The following LRRTM4 variants were observed in gnomAD, a reference collection of about 807,000 sequenced individuals.
The protein encoded by LRRTM4 is leucine rich repeat transmembrane neuronal 4, also known as leucine-rich repeat transmembrane neuronal protein 4.
LRRTM4 carries 25 observed loss-of-function variants against 47.6 expected under a neutral mutation model. That is an observed-to-expected ratio of 0.53 (90% CI 0.38 to 0.73). The LOEUF is 0.73. LRRTM4 is among the 30% of genes least tolerant of loss of function. The pLI is 0.00. For missense variants in LRRTM4, 638 were observed against 713.4 expected (o/e 0.89, Z 1.20); for synonymous variants, 311 against 269.5 (o/e 1.15, Z -1.51).
chr2:77,012,279 A>G (rs1371987561), intron 3 of LRRTM4, among the ~76,000 whole-genome samples: 7 of 152,072 alleles, frequency 4.6e-5, no homozygotes, highest in Non-Finnish European at 8.8e-5. Flanking sequence ...TAACATTATT[A>G]TTTCCAAGAA....
At chr2:77,423,356 A>C (rs1674978541) in intron 3 of LRRTM4, among the ~76,000 whole-genome samples, 1 of 151,992 alleles carries the variant, frequency 6.6e-6, no homozygotes, top group Admixed American at 6.6e-5. Context: ...ACTGAATATA[A>C]GGTCTCATCA....
rs147275519 is a variant in LRRTM4 at position 77,091,680 on chromosome 2, T to A, written c.1552-342764A>T. 4.2e-5 allele frequency among the ~76,000 whole-genome samples: 6 copies of A among 142,246 alleles called. No individual in the cohort carries two copies. The East Asian group carries it at 8.7e-4, about 21-fold the overall frequency. The allele number at this position is 142,246 out of a possible 152,430, so 93.3% of individuals were successfully genotyped here. ...AATCCCAGCCTCTCTTCGCTTTCAC[T>A]TGGACTGACCCTGACACCCATCAAG... On this transcript the variant is annotated intron_variant, in intron 3 of 3. Coordinates refer to ENST00000409884, the MANE Select transcript of LRRTM4 (RefSeq NM_001134745.3).
intron 3 of LRRTM4, among the ~76,000 whole-genome samples, chr2:76,785,686 C>G (rs985623013): frequency 8.5e-5 from 13 of 152,088 alleles, no homozygotes; most frequent in Admixed American, 6.6e-4. Context: ...ACTTTTTTCA[C>G]CCTTCTCATA....
In LRRTM4 at chr2:76,748,916, T is replaced by C; in HGVS notation, c.1552A>G (p.Met518Val). 3 of 1,613,452 alleles carry C rather than the reference T, an allele frequency of 1.9e-6. No individual in the cohort carries two copies. Among genetic ancestry groups the C allele is most frequent in the Non-Finnish European group, 2.5e-6 (3 of 1,179,468 alleles). The stretch of plus-strand genomic sequence containing the variant: ...GGCAAGGGCTTCATGTGGTGTGGCA[T>C]CTGGATATGAGAAATAGAAAGATGG... ...YTISGSRECE[M>V]PHHMKPLPYY... Residue 518 changes from methionine to valine, a missense_variant and splice_region_variant, in exon 4 of 4, where the codon ATG becomes GTG. Coordinates refer to ENST00000409884, the MANE Select transcript of LRRTM4 (RefSeq NM_001134745.3).
chr2:77,330,660 A>C (rs1438842587), intron 3 of LRRTM4, among the ~76,000 whole-genome samples: 1 of 152,194 alleles, frequency 6.6e-6, no homozygotes, highest in Non-Finnish European at 1.5e-5. Flanking sequence ...TATTTTATAC[A>C]TATTAATAAA....
At chr2:77,424,906 TTC>T (rs1326491604) in intron 3 of LRRTM4, among the ~76,000 whole-genome samples, 1 of 152,186 alleles carries the variant, frequency 6.6e-6, no homozygotes, top group East Asian at 1.9e-4. Context: ...TTATTAAAAT[TTC>T]TCAGAGCTCC....
At chr2:77,396,160 G>C (rs1023922673) in intron 3 of LRRTM4, among the ~76,000 whole-genome samples, 1 of 151,662 alleles carries the variant, frequency 6.6e-6, no homozygotes, top group Non-Finnish European at 1.5e-5. Flanking sequence ...CATTTTACAA[G>C]CTGATTAACA....
intron 3 of LRRTM4, among the ~76,000 whole-genome samples, chr2:77,091,394 A>G (rs1024634764): frequency 2.0e-5 from 3 of 146,590 alleles, no homozygotes; most frequent in African/African-American, 8.0e-5. Context: ...AAAAGATTAA[A>G]GCCTGTTATC....
Position 77,369,944 on chromosome 2 carries a change from T to C in LRRTM4, c.1551+148374A>G, listed in dbSNP as rs375931933. ...CACCATTGTATATGCAGTTCATCAT[T>C]GACTGAAAAGTTGTTATGATGCATG... On this transcript the variant is annotated intron_variant, in intron 3 of 3. Transcript: ENST00000409884. Among the ~76,000 whole-genome samples the C allele has an allele frequency of 7.2e-5, 11 of 151,974 alleles. No individual in the cohort carries two copies. The East Asian group carries it at 2.1e-3, about 29-fold the overall frequency.
At chr2:77,404,629 A>T (rs115239202) in intron 3 of LRRTM4, among the ~76,000 whole-genome samples, 2,214 of 152,222 alleles carry the variant, frequency 0.015, 43 homozygotes, top group African/African-American at 0.049. Flanking sequence ...CATATACATC[A>T]TAATTATAGT....
intron 3 of LRRTM4, among the ~76,000 whole-genome samples, chr2:77,129,477 TA>T (rs1354661469): frequency 6.6e-6 from 1 of 152,222 alleles, no homozygotes; most frequent in African/African-American, 2.4e-5. Flanking sequence ...TTGAATCTAC[TA>T]ATCACTTTGT....
chr2:76,885,421 AGAT>A (rs1191282252), intron 3 of LRRTM4, among the ~76,000 whole-genome samples: 2 of 151,684 alleles, frequency 1.3e-5, no homozygotes, highest in East Asian at 3.9e-4. Context: ...GCAGGATTTG[AGAT>A]GACTGGTAAG....
intron 3 of LRRTM4, among the ~76,000 whole-genome samples, chr2:76,768,033 G>A (rs149625352): frequency 6.6e-6 from 1 of 152,160 alleles, no homozygotes; most frequent in African/African-American, 2.4e-5. Flanking sequence ...TAAGAAATTT[G>A]TGACATAATT....
Position 77,476,123 on chromosome 2 carries a change from C to G in LRRTM4, c.1551+42195G>C, listed in dbSNP as rs557248541. ...TAATGAAAGCAATAGAGTCTTTTCT[C>G]AGGGAGAAAATGTGCTCAGGAAATT... On this transcript the variant is annotated intron_variant, in intron 3 of 3. Transcript: ENST00000409884. 7.2e-5 allele frequency among the ~76,000 whole-genome samples: 11 copies of G among 152,016 alleles called. No homozygotes were observed. In the South Asian group the frequency reaches 2.1e-3, roughly 29 times the overall value.
chr2:77,211,211 G>A (rs1674283473), intron 3 of LRRTM4, among the ~76,000 whole-genome samples: 1 of 152,200 alleles, frequency 6.6e-6, no homozygotes, highest in Non-Finnish European at 1.5e-5. Flanking sequence ...TGAGGACAAA[G>A]AGAAACTATT....
chr2:77,442,032 T>C (rs921342047), intron 3 of LRRTM4, among the ~76,000 whole-genome samples: 1 of 152,102 alleles, frequency 6.6e-6, no homozygotes, highest in African/African-American at 2.4e-5. Context: ...GAGGCAGAAG[T>C]GGAGTATTCT....
intron 3 of LRRTM4, among the ~76,000 whole-genome samples, chr2:77,408,845 TGTTTC>T (rs1674310253): frequency 6.6e-6 from 1 of 152,234 alleles, no homozygotes; most frequent in African/African-American, 2.4e-5. Flanking sequence ...TTCATAAATG[TGTTTC>T]AAATTATAAA....
intron 3 of LRRTM4, among the ~76,000 whole-genome samples, chr2:76,862,481 T>G (rs1381667053): frequency 6.6e-6 from 1 of 152,164 alleles, no homozygotes; most frequent in Non-Finnish European, 1.5e-5. Flanking sequence ...GAGAATCAAA[T>G]GCTGAGAAAT....
At chr2:77,427,624 G>A (rs1200705505) in intron 3 of LRRTM4, among the ~76,000 whole-genome samples, 4 of 152,232 alleles carry the variant, frequency 2.6e-5, no homozygotes, top group South Asian at 2.1e-4. Flanking sequence ...CAGTTATATA[G>A]TTGAGTTGTT....
Sources: gnomAD v4.1 joint callset for allele counts (sites outside exome capture counted in the v4.1 genomes callset) on GRCh38, gnomAD v4.1.1 for gene constraint, MANE v1.5 for transcripts, NCBI Gene and HGNC (gene_info 2026-07-23, HGNC 2026-07-21) for gene names.